Variants in WDFY3 observed in about 807,000 individuals in gnomAD.
WDFY3 encodes WD repeat and FYVE domain containing 3.
A neutral mutation model predicts 409.6 loss-of-function variants in WDFY3; 66 were observed. The ratio of observed to expected loss-of-function variants is 0.16; its 90% CI spans 0.13 to 0.20. The LOEUF is 0.20. Ranked by LOEUF, WDFY3 falls within the 10% of genes least tolerant of loss-of-function variation. The pLI, the probability that WDFY3 is intolerant of heterozygous loss-of-function variation, is 1.00. For synonymous variants in WDFY3, 1,521 were observed against 1,537.1 expected (o/e 0.99, Z 0.25); for missense variants, 3,031 against 4,298.1 (o/e 0.71, Z 8.24).
chr4:84,709,267 G>A (rs2148988743), intron 52 of WDFY3, 26 bp downstream of exon 52: 1 of 1,593,654 alleles, frequency 6.3e-7, no homozygotes, highest in East Asian at 2.2e-5. Context: ...AACTTCTAAG[G>A]AAGCTCATAT....
At chr4:84,803,210 C>A in intron 16 of WDFY3, 80 bp downstream of exon 16, 1 of 1,387,432 alleles carries the variant, frequency 7.2e-7, no homozygotes, top group East Asian at 2.5e-5. Context: ...CTTCCTCAAC[C>A]CCCTAGCTCA....
chr4:84,707,540 C>T lies in WDFY3; in HGVS notation c.8217+1369G>A, dbSNP rs115756200. ...TACACGGTGAAGGTCAGAATTGCAT[C>T]GGGAGAATGTGGTAGAGAACTGAAG... On this transcript the variant is annotated intron_variant, in intron 53 of 67. Transcript: ENST00000295888. Among the ~76,000 whole-genome samples the T allele has an allele frequency of 8.8e-3, 1,338 of 152,172 alleles. 8 individuals are homozygous for T. Among genetic ancestry groups the T allele is most frequent in the Non-Finnish European group, 0.013 (864 of 68,000 alleles).
In WDFY3 at chr4:84,794,623, C is replaced by T. The variant is rs143975457; in HGVS notation, c.3383G>A (p.Arg1128Gln). The change falls in exon 21 of 68, where the codon CGA becomes CAA. Residue 1128 changes from arginine (R) to glutamine (Q), a missense_variant. Physicochemically the swap from Arg to Gln is conservative, Grantham distance 43. Transcript: ENST00000295888. ...HPVRLLTVVRRANSSEQHYVC... is the reference protein window; with the variant it reads ...HPVRLLTVVRQANSSEQHYVC... Reference sequence around the variant, plus strand: ...GTAATGTTGCTCAGAAGAATTTGCTCGGCGCACAACAGTAAGAAGTCTGAC... The same window carrying T: ...GTAATGTTGCTCAGAAGAATTTGCTTGGCGCACAACAGTAAGAAGTCTGAC... 54 of 1,613,694 alleles carry T rather than the reference C, an allele frequency of 3.3e-5. No homozygotes were observed. Among genetic ancestry groups the T allele is most frequent in the Admixed American group, 8.3e-5 (5 of 59,954 alleles).
intron 56 of WDFY3, among the ~76,000 whole-genome samples, chr4:84,699,408 T>A: frequency 6.6e-6 from 1 of 152,220 alleles, no homozygotes; most frequent in East Asian, 1.9e-4. Context: ...CTTTCATGGA[T>A]GAATAATATT....
At chr4:84,744,852 CAAAAAAAA>C (rs1165273561) in intron 36 of WDFY3, among the ~76,000 whole-genome samples, 18 of 15,740 alleles carry the variant, frequency 1.1e-3, no homozygotes, top group African/African-American at 3.4e-3. Flanking sequence ...GACTCCGTCT[CAAAAAAAA>C]AAAAAAAAAA....
At chr4:84,956,904 C>T (rs1321483767) in intron 1 of WDFY3, among the ~76,000 whole-genome samples, 1 of 149,726 alleles carries the variant, frequency 6.7e-6, no homozygotes, top group African/African-American at 2.5e-5. Context: ...AAAACAATGA[C>T]ATATTATTAA....
Position 84,688,228 on chromosome 4 carries a change from G to C in WDFY3, c.9401C>G (p.Thr3134Arg). ...AATTATGTGATAGGCTAATGATGCTGTGGCGCAGGTGACGGTATCAGTGTG... is the reference window on the plus strand; with the variant it reads ...AATTATGTGATAGGCTAATGATGCTCTGGCGCAGGTGACGGTATCAGTGTG... ...LGHTDTVTCATASLAYHIIVS... is the reference protein window; with the variant it reads ...LGHTDTVTCARASLAYHIIVS... Residue 3134 changes from threonine (T) to arginine (R), a missense_variant, in exon 62 of 68, where the codon ACA (threonine) becomes AGA (arginine). Coordinates refer to ENST00000295888, the MANE Select transcript of WDFY3 (RefSeq NM_014991.6). The C allele has an allele frequency of 6.2e-7, 1 of 1,614,142 alleles. No individual in the cohort carries two copies. The highest frequency in any genetic ancestry group is 8.5e-7 in the Non-Finnish European group (1 of 1,180,006).
At chr4:84,718,612 G>T (rs1334047813) in intron 47 of WDFY3, 42 bp from the exon 48 acceptor site, 2 of 1,584,738 alleles carry the variant, frequency 1.3e-6, no homozygotes, top group Non-Finnish European at 1.7e-6. Flanking sequence ...TAGGCTTTTT[G>T]TAAAGATCAA....
Position 84,736,200 on chromosome 4 carries a change from A to G in WDFY3, c.6885T>C (p.Ser2295=). 1 of 1,612,310 alleles carries G rather than the reference A, an allele frequency of 6.2e-7. No homozygotes were observed. The highest frequency in any genetic ancestry group is 8.5e-7 in the Non-Finnish European group (1 of 1,179,122). Residue 2295 remains serine, a synonymous_variant, in exon 42 of 68, where the codon AGT becomes AGC. Transcript: ENST00000295888. ...TGGAAAGACTGTGTTTATTAAGACC[A>G]CTTTCTTTTCGATTCCTTCTTGATC... ...LTGSRRNRKE[S]GLNKHSLSTQ...
chr4:84,859,446 T>C (rs546591743), intron 4 of WDFY3, among the ~76,000 whole-genome samples: 6 of 152,310 alleles, frequency 3.9e-5, no homozygotes, highest in South Asian at 4.1e-4. Flanking sequence ...AGTAAAAGTA[T>C]GTTATTTAAA....
chr4:84,723,209 G>C (rs1310609337), intron 46 of WDFY3, among the ~76,000 whole-genome samples: 3 of 152,252 alleles, frequency 2.0e-5, no homozygotes, highest in African/African-American at 4.8e-5. Context: ...GTTCAACTAC[G>C]AACAGTTTCA....
intron 4 of WDFY3, among the ~76,000 whole-genome samples, chr4:84,855,641 T>A (rs953614198): frequency 2.6e-5 from 4 of 152,184 alleles, no homozygotes; most frequent in Non-Finnish European, 5.9e-5. Context: ...TTTTGTTTCC[T>A]AAATATGTGT....
At chr4:84,730,687 G>C (rs1420017383) in intron 44 of WDFY3, among the ~76,000 whole-genome samples, 1 of 152,008 alleles carries the variant, frequency 6.6e-6, no homozygotes, top group African/African-American at 2.4e-5. Context: ...TCTAGCTCAG[G>C]AGTGTCCAAT....
intron 7 of WDFY3, among the ~76,000 whole-genome samples, chr4:84,835,630 A>G (rs557236828): frequency 4.6e-4 from 70 of 152,286 alleles, no homozygotes; most frequent in African/African-American, 1.4e-3. Flanking sequence ...ACTTTCTAAA[A>G]CTGTCTTGGT....
intron 3 of WDFY3, among the ~76,000 whole-genome samples, chr4:84,881,873 CCT>C (rs906271476): frequency 1.3e-5 from 2 of 150,908 alleles, no homozygotes; most frequent in Admixed American, 1.3e-4. Context: ...AGAACGAGAC[CCT>C]GTCTCCAAAA....
chr4:84,921,912 C>G (rs1769342612), intron 2 of WDFY3, among the ~76,000 whole-genome samples: 1 of 151,850 alleles, frequency 6.6e-6, no homozygotes, highest in Admixed American at 6.6e-5. Flanking sequence ...GCCTTGGCCT[C>G]CCAAAGTGCT....
At chr4:84,862,336 T>C (rs939920837) in intron 3 of WDFY3, among the ~76,000 whole-genome samples, 28 of 152,174 alleles carry the variant, frequency 1.8e-4, no homozygotes, top group Admixed American at 2.0e-4. Flanking sequence ...GCCCAACTGC[T>C]GGAAACAGTG....
rs555790703 is a variant in WDFY3 at position 84,711,802 on chromosome 4, G to A, written c.8042+1357C>T. Among the ~76,000 whole-genome samples the A allele has an allele frequency of 2.0e-3, 308 of 151,758 alleles. 3 individuals are homozygous for A. The highest frequency in any genetic ancestry group is 6.8e-3 in the African/African-American group (282 of 41,384). ...GGACGCGGAGGCTGCAGTGAACTGA[G>A]ATGGTGCCACTGCACTCCAGCCTGG... On this transcript the variant is annotated intron_variant, in intron 51 of 67. Coordinates refer to ENST00000295888, the MANE Select transcript of WDFY3 (RefSeq NM_014991.6).
At chr4:84,856,803 C>A (rs927384556) in intron 4 of WDFY3, among the ~76,000 whole-genome samples, 1 of 152,156 alleles carries the variant, frequency 6.6e-6, no homozygotes. Flanking sequence ...TCTCAAAAAT[C>A]AACACTGCAA....
Sources: allele counts gnomAD v4.1 joint callset (sites outside exome capture counted in the v4.1 genomes callset), GRCh38; gene constraint gnomAD v4.1.1; transcripts MANE v1.5; gene names NCBI Gene and HGNC (gene_info 2026-07-23, HGNC 2026-07-21).